Variants in NKAIN3 observed in about 807,000 individuals in gnomAD.
NKAIN3 encodes sodium/potassium transporting ATPase interacting 3.
Under a neutral mutation model 30.2 loss-of-function variants are expected in NKAIN3, and 25 were observed. That is an observed-to-expected ratio of 0.83 (90% confidence interval 0.60 to 1.16). The LOEUF is 1.16. NKAIN3 is among the 50% of genes most tolerant of loss of function. The pLI is 0.00. For missense variants in NKAIN3, 225 were observed against 254.1 expected (o/e 0.89, Z 0.78); for synonymous variants, 91 against 89.6 (o/e 1.02, Z -0.09).
At chr8:62,673,631 T>C (rs1013460042) in intron 3 of NKAIN3, among the ~76,000 whole-genome samples, 4 of 152,196 alleles carry the variant, frequency 2.6e-5, no homozygotes, top group Admixed American at 1.3e-4. Flanking sequence ...TATGCAGTCA[T>C]TGAGTGTTCT....
chr8:62,429,134 G>A (rs1804912435), intron 1 of NKAIN3, among the ~76,000 whole-genome samples: 1 of 151,744 alleles, frequency 6.6e-6, no homozygotes, highest in South Asian at 2.1e-4. Flanking sequence ...AAATTAGCTG[G>A]CTGTAAATGT....
intron 4 of NKAIN3, among the ~76,000 whole-genome samples, chr8:62,914,777 CTTT>C (rs34474788): frequency 6.2e-5 from 7 of 112,146 alleles, no homozygotes; most frequent in Admixed American, 9.0e-5. Context: ...TTACTGTAAT[CTTT>C]TTTTTTTTTT....
intron 1 of NKAIN3, among the ~76,000 whole-genome samples, chr8:62,562,067 G>A (rs1245661065): frequency 6.6e-6 from 1 of 152,126 alleles, no homozygotes; most frequent in Non-Finnish European, 1.5e-5. Context: ...CTGCATCAGA[G>A]GTCAAGGACT....
intron 1 of NKAIN3, among the ~76,000 whole-genome samples, chr8:62,321,215 A>T (rs1419364763): frequency 2.0e-5 from 3 of 152,110 alleles, no homozygotes; most frequent in Non-Finnish European, 4.4e-5. Context: ...TGCATTGGTT[A>T]TTCTAGTTAG....
intron 1 of NKAIN3, among the ~76,000 whole-genome samples, chr8:62,388,326 T>G (rs898660496): frequency 3.3e-5 from 5 of 152,268 alleles, no homozygotes; most frequent in Non-Finnish European, 1.5e-5. Context: ...TTAGATTGCC[T>G]TGTCTTTGTT....
intron 4 of NKAIN3, among the ~76,000 whole-genome samples, chr8:62,809,976 G>A (rs1226546135): frequency 6.6e-6 from 1 of 152,104 alleles, no homozygotes; most frequent in Non-Finnish European, 1.5e-5. Flanking sequence ...CAGAGGCACT[G>A]GTCACTCTCA....
intron 4 of NKAIN3, among the ~76,000 whole-genome samples, chr8:62,800,956 G>C (rs1371481396): frequency 6.6e-6 from 1 of 152,248 alleles, no homozygotes; most frequent in African/African-American, 2.4e-5. Flanking sequence ...GGTGCACCAA[G>C]AGATTATATC....
chr8:62,869,863 G>T (rs995480314), intron 4 of NKAIN3, among the ~76,000 whole-genome samples: 13 of 152,242 alleles, frequency 8.5e-5, no homozygotes, highest in Admixed American at 2.6e-4. Flanking sequence ...CGCCTCCCGA[G>T]TTCACGCCAT....
At chr8:62,419,567 A>T (rs1804566743) in intron 1 of NKAIN3, among the ~76,000 whole-genome samples, 1 of 152,212 alleles carries the variant, frequency 6.6e-6, no homozygotes, top group African/African-American at 2.4e-5. Context: ...TTTTGCTGCT[A>T]ATAGGTTGTA....
chr8:62,271,684 G>T (rs1052079079), intron 1 of NKAIN3, among the ~76,000 whole-genome samples: 1 of 152,008 alleles, frequency 6.6e-6, no homozygotes, highest in African/African-American at 2.4e-5. Context: ...AGAGGATTTG[G>T]GATTTTTTCC....
intron 1 of NKAIN3, among the ~76,000 whole-genome samples, chr8:62,386,642 A>G (rs2129594289): frequency 6.6e-6 from 1 of 152,358 alleles, no homozygotes; most frequent in Admixed American, 6.5e-5. Context: ...TATTAGGGAT[A>G]AAGTTAAAAG....
At chr8:62,339,977 A>C (rs1012682557) in intron 1 of NKAIN3, among the ~76,000 whole-genome samples, 1 of 152,056 alleles carries the variant, frequency 6.6e-6, no homozygotes, top group Admixed American at 6.6e-5. Flanking sequence ...GATTTATATC[A>C]TTAGGACAAA....
rs140417976 is a variant in NKAIN3 at position 62,684,460 on chromosome 8, G to T, written c.274-62472G>T. Among the ~76,000 whole-genome samples, 222 of 152,298 alleles carry T rather than the reference G, an allele frequency of 1.5e-3. 1 individual carries two copies. The highest frequency in any genetic ancestry group is 4.0e-3 in the African/African-American group (165 of 41,568). The stretch of plus-strand genomic sequence containing the variant: ...CCTTTCCATGTCACCTTGTTAGTCT[G>T]AGTGTGTATGGGGAGTGAGAATATT... On this transcript the variant is annotated intron_variant, in intron 3 of 6. Coordinates refer to ENST00000623646, the MANE Select transcript of NKAIN3 (RefSeq NM_001304533.3).
At chr8:62,492,524 G>A (rs34511825) in intron 1 of NKAIN3, among the ~76,000 whole-genome samples, 10,963 of 152,038 alleles carry the variant, frequency 0.072, 500 homozygotes, top group African/African-American at 0.13. Context: ...TACTAAATGC[G>A]AGGTGGTACC....
intron 3 of NKAIN3, among the ~76,000 whole-genome samples, chr8:62,719,006 A>G (rs956318152): frequency 2.6e-5 from 4 of 152,232 alleles, no homozygotes; most frequent in South Asian, 2.1e-4. Context: ...TCAGCGGGCA[A>G]CACAGGCTAC....
At chr8:62,813,446 T>C (rs1818557786) in intron 4 of NKAIN3, among the ~76,000 whole-genome samples, 1 of 151,878 alleles carries the variant, frequency 6.6e-6, no homozygotes, top group Non-Finnish European at 1.5e-5. Flanking sequence ...TACGTCTGTG[T>C]GTTTCTTCAT....
intron 1 of NKAIN3, among the ~76,000 whole-genome samples, chr8:62,515,002 T>C (rs932106175): frequency 1.3e-5 from 2 of 152,126 alleles, no homozygotes; most frequent in African/African-American, 4.8e-5. Flanking sequence ...GAATTAATTT[T>C]CATTTTCTCC....
At chr8:62,942,551 C>T (rs1287569107) in intron 5 of NKAIN3, among the ~76,000 whole-genome samples, 2 of 149,646 alleles carry the variant, frequency 1.3e-5, no homozygotes, top group Admixed American at 6.7e-5. Flanking sequence ...CATGTGGAAC[C>T]AAAAAAGAGC....
At chr8:62,938,960 C>T (rs1822867328) in intron 5 of NKAIN3, among the ~76,000 whole-genome samples, 1 of 152,088 alleles carries the variant, frequency 6.6e-6, no homozygotes, top group South Asian at 2.1e-4. Flanking sequence ...TTCAAAGAGG[C>T]ATCAGAGAGA....
Sources: gnomAD v4.1 joint callset for allele counts (sites outside exome capture counted in the v4.1 genomes callset) on GRCh38, gnomAD v4.1.1 for gene constraint, MANE v1.5 for transcripts, NCBI Gene and HGNC (gene_info 2026-07-23, HGNC 2026-07-21) for gene names.